Variants in ZAN observed in about 807,000 individuals in gnomAD.
ZAN encodes the protein zonadhesin (gene/pseudogene).
A neutral mutation model predicts 286.2 loss-of-function variants in ZAN; 260 were observed. The observed-to-expected ratio is 0.91, with a 90% CI of 0.82 to 1.01. The LOEUF (loss-of-function observed/expected upper bound fraction) is 1.01. ZAN is among the 50% of genes least tolerant of loss of function. ZAN has a pLI of 0.00. For synonymous variants in ZAN, 1,368 were observed against 1,417.5 expected, an observed-to-expected ratio of 0.97 and a Z score of 0.79; for missense variants, 3,410 against 3,639.2, an observed-to-expected ratio of 0.94 and a Z score of 1.62.
chr7:100,788,894 T>TC (rs1403556668), intron 38 of ZAN, among the ~76,000 whole-genome samples: 3 of 152,062 alleles, frequency 2.0e-5, no homozygotes, highest in Admixed American at 1.3e-4. Flanking sequence ...AGACGTGGTT[T>TC]CCCCATGTTG....
rs189470019 is a variant in ZAN at position 100,752,536 on chromosome 7, T to C, written c.2431T>C (p.Ser811Pro). 20 of 1,582,946 alleles carry C rather than the reference T, an allele frequency of 1.3e-5. No individual in the cohort carries two copies. In the African/African-American group the frequency reaches 2.4e-4, roughly 19 times the overall value. ...CACCCCCACTGAGGAGACCACCATC[T>C]CCACAGAAAAACCCAGCATCCCCAT... Reference protein sequence around the residue: ...PTTPTEETTISTEKPSIPMEK... With the variant: ...PTTPTEETTIPTEKPSIPMEK... Residue 811 changes from serine to proline, a missense_variant, in exon 14 of 48, where the codon TCC becomes CCC. This residue lies in a region of ZAN where 90 missense variants were observed against 87.1 expected (regional missense o/e 1.03). Coordinates refer to ENST00000613979, the MANE Select transcript of ZAN (RefSeq NM_003386.3).
chr7:100,744,167 G>C (rs1198961022), intron 7 of ZAN, among the ~76,000 whole-genome samples: 1 of 150,362 alleles, frequency 6.7e-6, no homozygotes, highest in African/African-American at 2.5e-5. Context: ...CGGACTCCTG[G>C]CCTCAAGTGA....
intron 44 of ZAN, among the ~76,000 whole-genome samples, chr7:100,794,667 C>T (rs908627316): frequency 1.3e-5 from 2 of 151,852 alleles, no homozygotes; most frequent in East Asian, 3.9e-4. Flanking sequence ...GACATCGTCT[C>T]TACTAAAAAT....
chr7:100,750,172 C>T (rs146926766), intron 11 of ZAN, among the ~76,000 whole-genome samples: 33 of 150,940 alleles, frequency 2.2e-4, no homozygotes, highest in African/African-American at 7.5e-4. Context: ...GAGTCTTGCT[C>T]TGTTGCCAGG....
intron 37 of ZAN, 122 bp downstream of exon 37, chr7:100,786,263 G>A (rs1002619806): frequency 7.0e-7 from 1 of 1,436,536 alleles, no homozygotes; most frequent in Non-Finnish European, 9.4e-7. Flanking sequence ...GTTGGGGCGG[G>A]CGACTGGATC....
chr7:100,792,193 C>G, intron 41 of ZAN, 45 bp downstream of exon 41: 1 of 1,541,038 alleles, frequency 6.5e-7, no homozygotes, highest in Non-Finnish European at 8.7e-7. Context: ...CAGGTGCCTG[C>G]TCTGGTCTTT....
At chr7:100,747,400 GAATA>G in intron 8 of ZAN, 146 bp from the exon 9 acceptor site, 1 of 629,490 alleles carries the variant, frequency 1.6e-6, no homozygotes, top group African/African-American at 1.9e-5. Context: ...AAAAAATAAT[GAATA>G]AATAAAATAA....
chr7:100,758,057 G>T (rs1367922768), intron 15 of ZAN, 145 bp from the exon 16 acceptor site: 1 of 816,424 alleles, frequency 1.2e-6, no homozygotes, highest in Non-Finnish European at 1.6e-6. Context: ...CTGCACTCCA[G>T]CTTGGGCAAC....
At position 100,763,162 on chromosome 7, in the gene ZAN, A is replaced by G. The variant is rs1464517484; in HGVS notation, c.3987-644A>G. Among the ~76,000 whole-genome samples, 1 of 151,942 alleles carries G rather than the reference A, an allele frequency of 6.6e-6. No homozygotes were observed. The highest frequency in any genetic ancestry group is 2.4e-5 in the African/African-American group (1 of 41,370). ...GTATTTTTAGTAGAGACGGGGTTTC[A>G]TCATGTTGGCCAGGCTGGTTTCGAA... On this transcript the variant is annotated intron_variant, in intron 20 of 47. Transcript: ENST00000613979. This position sits in a 1 kb window ranked among gnomAD's most constrained non-coding sequence, Gnocchi z 4.6.
At chr7:100,749,247 C>T (rs1205728665) in intron 11 of ZAN, among the ~76,000 whole-genome samples, 1 of 151,934 alleles carries the variant, frequency 6.6e-6, no homozygotes, top group Admixed American at 6.6e-5. Context: ...GAGGCTGAGG[C>T]AGGAGAACTG....
Position 100,786,156 on chromosome 7 carries a change from C to G in ZAN, c.6979+15C>G, listed in dbSNP as rs774827878. ...TGTCTCAGACAGTAAGGGGAGCGAC[C>G]GGGGAGGTTGGAGAGGGGAGCACCT... On this transcript the variant is annotated intron_variant, in intron 37 of 47. Coordinates refer to ENST00000613979, the MANE Select transcript of ZAN (RefSeq NM_003386.3). 1.2e-6 allele frequency: 2 copies of G among 1,613,388 alleles called. No individual in the cohort carries two copies. Among genetic ancestry groups the G allele is most frequent in the East Asian group, 4.5e-5 (2 of 44,862 alleles).
At chr7:100,746,100 A>C (rs1177602010) in intron 7 of ZAN, among the ~76,000 whole-genome samples, 1 of 152,048 alleles carries the variant, frequency 6.6e-6, no homozygotes, top group East Asian at 1.9e-4. Context: ...GGTGGCGCAC[A>C]CCTGTAGTCC....
At chr7:100,734,494 C>T (rs1807166188) in intron 2 of ZAN, among the ~76,000 whole-genome samples, 1 of 139,636 alleles carries the variant, frequency 7.2e-6, no homozygotes, top group Admixed American at 7.2e-5. Flanking sequence ...TGGTGTGCAC[C>T]TGTAGTCCCA....
At chr7:100,771,797 C>T in intron 28 of ZAN, 47 bp from the exon 29 acceptor site, 2 of 1,573,432 alleles carry the variant, frequency 1.3e-6, no homozygotes, top group East Asian at 2.3e-5. Context: ...TGGCCCTGTT[C>T]CTTCCCGGCC....
chr7:100,759,638 TGCGG>T, intron 17 of ZAN, 79 bp from the exon 18 acceptor site: 2 of 1,348,432 alleles, frequency 1.5e-6, no homozygotes, highest in East Asian at 2.9e-5. Flanking sequence ...CATCTCTCCC[TGCGG>T]CGCCAGGCTC....
In ZAN at chr7:100,751,271, G is replaced by A. The variant is rs2115811627; in HGVS notation, c.1606+5G>A. The A allele has an allele frequency of 6.4e-7, 1 of 1,571,246 alleles. No individual in the cohort carries two copies. The highest frequency in any genetic ancestry group is 8.6e-7 in the Non-Finnish European group (1 of 1,158,770). On this transcript the variant is annotated splice_donor_5th_base_variant and intron_variant, in intron 13 of 47. Transcript: ENST00000613979. ...TCAATCCTGGGACTTGTCCAGGTAA[G>A]ACCAAAGCCCAGGCTCCAGGAAGGG...
chr7:100,797,165 A>G (rs1812414556), intron 45 of ZAN, among the ~76,000 whole-genome samples: 1 of 151,908 alleles, frequency 6.6e-6, no homozygotes. Flanking sequence ...AACAGAAAAC[A>G]TTGCGGGGGT....
chr7:100,796,737 G>A (rs1343022522), intron 45 of ZAN, among the ~76,000 whole-genome samples: 1 of 151,982 alleles, frequency 6.6e-6, no homozygotes, highest in Non-Finnish European at 1.5e-5. Flanking sequence ...TTTCAACAAG[G>A]GCCCAGGAAA....
chr7:100,794,134 TCTGA>T lies in ZAN; in HGVS notation c.8006_8009del (p.Thr2669ArgfsTer108), dbSNP rs1286018951. 3 of 1,614,044 alleles carry T rather than the reference TCTGA, an allele frequency of 1.9e-6. No individual in the cohort carries two copies. Among genetic ancestry groups the T allele is most frequent in the East Asian group, 2.2e-5 (1 of 44,882 alleles). On this transcript the variant is annotated frameshift_variant, in exon 44 of 48. Coordinates refer to ENST00000613979, the MANE Select transcript of ZAN (RefSeq NM_003386.3). LOFTEE classifies it high-confidence loss of function. ...CCCCTTTCTAGCTGGGCAGCAGCTT[TCTGA>T]CTGAGGACTGCTCTCAGCGGTGCAC... is the stretch of plus-strand genomic sequence containing the variant.
Sources: allele counts gnomAD v4.1 joint callset (sites outside exome capture counted in the v4.1 genomes callset), GRCh38; gene constraint gnomAD v4.1.1; regional missense constraint gnomAD v4.1.1; non-coding constraint Gnocchi (gnomAD v3.1); transcripts MANE v1.5; gene names NCBI Gene and HGNC (gene_info 2026-07-23, HGNC 2026-07-21).